Variants in TG observed in about 807,000 individuals in gnomAD.
The protein encoded by TG is thyroglobulin.
TG carries 270 observed loss-of-function variants against 324.7 expected under a neutral mutation model. The ratio of observed to expected loss-of-function variants is 0.83; its 90% CI spans 0.75 to 0.92. The LOEUF (loss-of-function observed/expected upper bound fraction) is 0.92, where lower values mean the gene tolerates loss of function less well. Among genes scored for constraint, TG ranks in the 40% least tolerant of loss-of-function variants. The pLI is 0.00. For synonymous variants in TG, 1,401 were observed against 1,327.0 expected (o/e 1.06, Z -1.21); for missense variants, 3,591 against 3,456.4 (o/e 1.04, Z -0.98).
chr8:132,938,826 G>T (rs1039565005), intron 25 of TG, among the ~76,000 whole-genome samples: 2 of 152,116 alleles, frequency 1.3e-5, no homozygotes, highest in Admixed American at 6.5e-5. Context: ...GCCGAGGCAG[G>T]CAGATCACGA....
chr8:132,940,243 G>A (rs529941309), intron 25 of TG, among the ~76,000 whole-genome samples: 8 of 152,162 alleles, frequency 5.3e-5, no homozygotes, highest in Non-Finnish European at 8.8e-5. Context: ...ACAGGCCCTG[G>A]TGTTCTGTCC....
At chr8:133,087,108 A>T (rs1026068672) in intron 41 of TG, among the ~76,000 whole-genome samples, 6 of 147,782 alleles carry the variant, frequency 4.1e-5, no homozygotes, top group Non-Finnish European at 7.5e-5. Context: ...ACACACACAC[A>T]CACACACACA....
Position 133,132,396 on chromosome 8 carries a change from AG to A in TG, c.7997+451del, listed in dbSNP as rs141074025. Among the ~76,000 whole-genome samples, 217 of 152,330 alleles carry A rather than the reference AG, an allele frequency of 1.4e-3. 1 individual carries two copies. Among genetic ancestry groups the A allele is most frequent in the African/African-American group, 5.1e-3 (212 of 41,564 alleles). On this transcript the variant is annotated intron_variant, in intron 46 of 47. Coordinates refer to ENST00000220616, the MANE Select transcript of TG (RefSeq NM_003235.5). ...TGGAGGAGAGCCACTGTCTCTCCACAGAGGGGAATACCAGTGCCTTGGGTTT... is the reference window on the plus strand; with the variant it reads ...TGGAGGAGAGCCACTGTCTCTCCACAAGGGGAATACCAGTGCCTTGGGTTT...
intron 3 of TG, 77 bp from the exon 4 acceptor site, chr8:132,871,271 G>A: frequency 6.7e-7 from 1 of 1,482,412 alleles, no homozygotes; most frequent in Non-Finnish European, 9.4e-7. Flanking sequence ...CTTGGGAAGG[G>A]AGCATGAGTT....
At chr8:132,900,733 AATGCTCCCATC>A (rs1466039111) in intron 15 of TG, among the ~76,000 whole-genome samples, 8 of 152,026 alleles carry the variant, frequency 5.3e-5, no homozygotes, top group Non-Finnish European at 8.8e-5. Context: ...AAACACCATA[AATGCTCCCATC>A]ATCTTCGGGG....
intron 40 of TG, among the ~76,000 whole-genome samples, chr8:133,024,364 T>C (rs1485338458): frequency 7.8e-6 from 1 of 127,982 alleles, no homozygotes; most frequent in African/African-American, 3.4e-5. Context: ...CTTTCTTTCT[T>C]TCTTTCTTTC....
At position 132,887,289 on chromosome 8, in the gene TG, G is replaced by C. The variant is rs1412314273; in HGVS notation, c.1917G>C (p.Val639=). 2 of 1,603,908 alleles carry C rather than the reference G, an allele frequency of 1.2e-6. No homozygotes were observed. Among genetic ancestry groups the C allele is most frequent in the Non-Finnish European group, 1.7e-6 (2 of 1,173,476 alleles). The change falls in exon 9 of 48, where the codon GTG becomes GTC. Residue 639 remains valine, a synonymous_variant. Coordinates refer to ENST00000220616, the MANE Select transcript of TG (RefSeq NM_003235.5). ...GCTTTTCCGGAGAGTGCTGGTGTGT[G>C]AATTCCTGGGGCAAAGAGCTTCCAG... ...VQCFSGECWC[V]NSWGKELPGS... is the part of the protein sequence containing the mutation.
intron 40 of TG, among the ~76,000 whole-genome samples, chr8:133,026,076 GT>G (rs1276671054): frequency 6.6e-6 from 1 of 152,202 alleles, no homozygotes; most frequent in Non-Finnish European, 1.5e-5. Context: ...GCAGGGCTGT[GT>G]TTTTATCATT....
intron 41 of TG, among the ~76,000 whole-genome samples, chr8:133,046,126 G>T (rs771860988): frequency 1.3e-5 from 2 of 152,190 alleles, no homozygotes; most frequent in African/African-American, 2.4e-5. Flanking sequence ...AATGCAAAAT[G>T]AAAGAATTGG....
At chr8:133,019,732 A>G in intron 39 of TG, 37 bp downstream of exon 39, 1 of 1,563,104 alleles carries the variant, frequency 6.4e-7, no homozygotes, top group Non-Finnish European at 8.8e-7. Flanking sequence ...TGCCCTGAAG[A>G]CTGTCCCATT....
chr8:133,116,562 A>G (rs375553733), intron 44 of TG, 47 bp from the exon 45 acceptor site: 2 of 1,545,460 alleles, frequency 1.3e-6, no homozygotes, highest in African/African-American at 1.4e-5. Context: ...ACCATGGCCC[A>G]TAGAGCCATG....
intron 35 of TG, chr8:132,983,701 A>C: frequency 3.9e-6 from 2 of 508,494 alleles, no homozygotes; most frequent in Non-Finnish European, 7.1e-6. Flanking sequence ...TTTAAGGATT[A>C]TTTCGCCCTA....
intron 41 of TG, chr8:133,059,117 A>G: frequency 2.2e-6 from 1 of 456,314 alleles, no homozygotes. Flanking sequence ...CTCGGCAGAC[A>G]GGGCAGCCAT....
At chr8:132,935,400 T>C (rs374304791) in intron 24 of TG, among the ~76,000 whole-genome samples, 14 of 152,040 alleles carry the variant, frequency 9.2e-5, no homozygotes, top group African/African-American at 3.4e-4. Context: ...CGCCTCGGCC[T>C]CCCAAAGTGC....
At chr8:132,980,290 C>T (rs1245471267) in intron 34 of TG, among the ~76,000 whole-genome samples, 3 of 152,068 alleles carry the variant, frequency 2.0e-5, no homozygotes, top group African/African-American at 4.8e-5. Context: ...AAGAAGAGAA[C>T]AGCTGGAGAT....
At chr8:132,972,333 A>C in intron 33 of TG, 2 of 545,980 alleles carry the variant, frequency 3.7e-6, no homozygotes, top group Non-Finnish European at 6.5e-6. Context: ...GACCAAGTGA[A>C]GTGATACCAA....
intron 41 of TG, among the ~76,000 whole-genome samples, chr8:133,043,948 A>G (rs1032031803): frequency 2.6e-5 from 4 of 152,206 alleles, no homozygotes; most frequent in African/African-American, 7.2e-5. Flanking sequence ...CCGCTGGGTA[A>G]AAGTGGCTGG....
At chr8:132,973,217 T>C (rs1829765951) in intron 34 of TG, among the ~76,000 whole-genome samples, 1 of 152,232 alleles carries the variant, frequency 6.6e-6, no homozygotes, top group African/African-American at 2.4e-5. Context: ...GCACTGTTGC[T>C]GGACAGGCAA....
chr8:132,906,663 C>T (rs1298761004), intron 16 of TG, 25 bp from the exon 17 acceptor site: 2 of 1,613,018 alleles, frequency 1.2e-6, no homozygotes, highest in Non-Finnish European at 1.7e-6. Flanking sequence ...AGGTGCCCAC[C>T]ACGGCTCCAC....
Sources: gnomAD v4.1 joint callset for allele counts (sites outside exome capture counted in the v4.1 genomes callset) on GRCh38, gnomAD v4.1.1 for gene constraint, MANE v1.5 for transcripts, NCBI Gene and HGNC (gene_info 2026-07-23, HGNC 2026-07-21) for gene names.